GALNTL6: variants seen among roughly 807,000 people sequenced by gnomAD.
GALNTL6 encodes the protein polypeptide N-acetylgalactosaminyltransferase like 6.
GALNTL6 carries 46 observed loss-of-function variants against 73.7 expected under a neutral mutation model. The observed-to-expected ratio is 0.62, with a 90% confidence interval of 0.49 to 0.80. The LOEUF is 0.80. GALNTL6 is among the 30% of genes least tolerant of loss of function. The pLI, the probability that GALNTL6 is intolerant of heterozygous loss-of-function variation, is 0.00. For synonymous variants in GALNTL6, 259 were observed against 263.7 expected, an observed-to-expected ratio of 0.98 and a Z score of 0.17; for missense variants, 604 against 755.0, an observed-to-expected ratio of 0.80 and a Z score of 2.34.
chr4:172,601,819 G>T (rs896184620), intron 5 of GALNTL6, among the ~76,000 whole-genome samples: 1 of 146,660 alleles, frequency 6.8e-6, no homozygotes, highest in Admixed American at 6.7e-5. Flanking sequence ...AATATTCAAA[G>T]AAATAGTGGC....
At chr4:171,840,745 AAGCCAAGC>A (rs1735220196) in intron 2 of GALNTL6, among the ~76,000 whole-genome samples, 1 of 152,182 alleles carries the variant, frequency 6.6e-6, no homozygotes, top group South Asian at 2.1e-4. Context: ...CCAGGGCTCC[AAGCCAAGC>A]ATCCTTCTCT....
At chr4:172,532,973 G>T (rs569172659) in intron 5 of GALNTL6, among the ~76,000 whole-genome samples, 1 of 151,700 alleles carries the variant, frequency 6.6e-6, no homozygotes, top group South Asian at 2.1e-4. Context: ...AAGCTGAAAT[G>T]AATTGAATAT....
intron 5 of GALNTL6, among the ~76,000 whole-genome samples, chr4:172,743,248 A>T (rs2110745935): frequency 6.6e-6 from 1 of 152,220 alleles, no homozygotes; most frequent in East Asian, 1.9e-4. Flanking sequence ...GTAAAAGAGT[A>T]GCTTACACCA....
intron 5 of GALNTL6, among the ~76,000 whole-genome samples, chr4:172,718,655 A>G (rs1374583936): frequency 6.6e-6 from 1 of 152,008 alleles, no homozygotes; most frequent in East Asian, 1.9e-4. Context: ...CAAAAAAAAA[A>G]TCATCTGTAA....
chr4:172,472,796 T>C (rs1458070979), intron 5 of GALNTL6, among the ~76,000 whole-genome samples: 3 of 152,116 alleles, frequency 2.0e-5, no homozygotes. Flanking sequence ...GAAAGAATCC[T>C]CTGCTAGAGT....
chr4:171,988,181 G>A (rs1013388062), intron 2 of GALNTL6, among the ~76,000 whole-genome samples: 1 of 152,190 alleles, frequency 6.6e-6, no homozygotes, highest in African/African-American at 2.4e-5. Context: ...AGGCTACAGG[G>A]TGCAGTCCTG....
intron 5 of GALNTL6, among the ~76,000 whole-genome samples, chr4:172,755,251 T>C (rs995385717): frequency 2.7e-5 from 4 of 150,284 alleles, no homozygotes; most frequent in African/African-American, 9.8e-5. Context: ...GATAGATAGA[T>C]AGATAGATAG....
intron 5 of GALNTL6, among the ~76,000 whole-genome samples, chr4:172,373,903 G>A (rs958080356): frequency 1.1e-4 from 17 of 152,172 alleles, no homozygotes; most frequent in African/African-American, 2.7e-4. Flanking sequence ...AGAAGGCCGC[G>A]CCAGTGTCCA....
intron 2 of GALNTL6, among the ~76,000 whole-genome samples, chr4:172,098,874 C>G (rs1278855503): frequency 2.0e-5 from 3 of 151,938 alleles, no homozygotes; most frequent in African/African-American, 7.3e-5. Context: ...AGTACTCCAC[C>G]CCCAAACAAA....
At chr4:172,998,482 A>G (rs571865051) in intron 10 of GALNTL6, among the ~76,000 whole-genome samples, 1 of 152,274 alleles carries the variant, frequency 6.6e-6, no homozygotes, top group East Asian at 1.9e-4. Context: ...TCTCCTGTAT[A>G]TATCATTCCC....
At chr4:172,146,402 C>G (rs1306691599) in intron 2 of GALNTL6, among the ~76,000 whole-genome samples, 1 of 152,168 alleles carries the variant, frequency 6.6e-6, no homozygotes, top group African/African-American at 2.4e-5. Context: ...AAAAAAATCA[C>G]CTGTAAACTT....
intron 2 of GALNTL6, among the ~76,000 whole-genome samples, chr4:172,105,721 C>A (rs888260917): frequency 2.6e-5 from 4 of 151,960 alleles, no homozygotes; most frequent in Admixed American, 1.3e-4. Flanking sequence ...GAACTGTCAA[C>A]TATATGAGAA....
At chr4:172,035,470 A>G (rs200919106) in intron 2 of GALNTL6, among the ~76,000 whole-genome samples, 2 of 61,310 alleles carry the variant, frequency 3.3e-5, no homozygotes, top group Non-Finnish European at 8.3e-5. Context: ...TGATTGTTAT[A>G]ATATAACTAA....
chr4:171,928,157 G>A (rs10013740), intron 2 of GALNTL6, among the ~76,000 whole-genome samples: 9,399 of 152,116 alleles, frequency 0.062, 848 homozygotes, highest in African/African-American at 0.2. Flanking sequence ...ATAAAACCAT[G>A]GGTGATATCT....
chr4:171,941,553 A>C (rs1738545563), intron 2 of GALNTL6, among the ~76,000 whole-genome samples: 1 of 152,158 alleles, frequency 6.6e-6, no homozygotes, highest in Non-Finnish European at 1.5e-5. Context: ...GGGTAATGCC[A>C]GTTGTGTCAT....
At chr4:172,240,606 C>G (rs931493551) in intron 3 of GALNTL6, among the ~76,000 whole-genome samples, 7 of 152,144 alleles carry the variant, frequency 4.6e-5, no homozygotes, top group African/African-American at 1.7e-4. Flanking sequence ...AGTCTTACAG[C>G]TCTGAGAGTC....
chr4:172,399,007 A>G (rs1181708900), intron 5 of GALNTL6, among the ~76,000 whole-genome samples: 2 of 152,130 alleles, frequency 1.3e-5, no homozygotes, highest in Admixed American at 6.6e-5. Flanking sequence ...TCTTGATGAT[A>G]GCTTCTATAT....
intron 5 of GALNTL6, among the ~76,000 whole-genome samples, chr4:172,535,262 A>G (rs947348484): frequency 6.6e-6 from 1 of 152,236 alleles, no homozygotes; most frequent in Admixed American, 6.5e-5. Context: ...ATAATAATGG[A>G]TGCATTATGA....
chr4:172,581,992 A>G (rs1297429515), intron 5 of GALNTL6, among the ~76,000 whole-genome samples: 2 of 152,066 alleles, frequency 1.3e-5, no homozygotes, highest in East Asian at 3.9e-4. Context: ...GGATGTCTGT[A>G]CTCACATAGC....
Sources: gnomAD v4.1 joint callset for allele counts (sites outside exome capture counted in the v4.1 genomes callset) on GRCh38, gnomAD v4.1.1 for gene constraint, MANE v1.5 for transcripts, NCBI Gene and HGNC (gene_info 2026-07-23, HGNC 2026-07-21) for gene names.